SLC16A7: variants seen among roughly 807,000 people sequenced by gnomAD.
SLC16A7 encodes solute carrier family 16 member 7.
Under a neutral mutation model 34.9 loss-of-function variants are expected in SLC16A7, and 33 were observed. The observed-to-expected ratio is 0.94, with a 90% CI of 0.72 to 1.26. The LOEUF is 1.26. SLC16A7 is among the 50% of genes most tolerant of loss of function. The pLI, the probability that SLC16A7 is intolerant of heterozygous loss-of-function variation, is 0.00. For missense variants in SLC16A7, 573 were observed against 578.1 expected (o/e 0.99, Z 0.09); for synonymous variants, 201 against 206.6 (o/e 0.97, Z 0.23).
At chr12:59,735,991 A>AG in intron 3 of SLC16A7, 1 of 962,912 alleles carries the variant, frequency 1.0e-6, no homozygotes, top group Admixed American at 2.7e-5. Context: ...TACTTGAGGT[A>AG]ACAAGATTTT....
chr12:59,663,665 G>C (rs1868976257), intron 2 of SLC16A7, among the ~76,000 whole-genome samples: 1 of 151,996 alleles, frequency 6.6e-6, no homozygotes, highest in South Asian at 2.1e-4. Context: ...TTTTTTCACT[G>C]TATTAAAACC....
intron 2 of SLC16A7, among the ~76,000 whole-genome samples, chr12:59,670,810 T>C (rs1206700455): frequency 6.6e-6 from 1 of 152,190 alleles, no homozygotes; most frequent in Non-Finnish European, 1.5e-5. Context: ...TACCTTGTCT[T>C]CTGGGCTCAT....
intron 2 of SLC16A7, among the ~76,000 whole-genome samples, chr12:59,676,483 A>G (rs1870323014): frequency 6.6e-6 from 1 of 152,050 alleles, no homozygotes; most frequent in Non-Finnish European, 1.5e-5. Flanking sequence ...AAATCTATTC[A>G]GTAATAATGG....
At chr12:59,769,425 G>T (rs1159906668) in intron 3 of SLC16A7, 3 of 152,042 alleles carry the variant, frequency 2.0e-5, no homozygotes, top group African/African-American at 4.8e-5. Flanking sequence ...GTTAGGGACA[G>T]AATTATATTC....
intron 1 of SLC16A7, among the ~76,000 whole-genome samples, chr12:59,614,081 C>A (rs1011743003): frequency 6.8e-6 from 1 of 146,850 alleles, no homozygotes; most frequent in Non-Finnish European, 1.5e-5. Flanking sequence ...GACAGAGTCT[C>A]ACTCTGTCAC....
intron 2 of SLC16A7, among the ~76,000 whole-genome samples, chr12:59,676,422 A>G (rs891906120): frequency 6.6e-6 from 1 of 151,098 alleles, no homozygotes; most frequent in Non-Finnish European, 1.5e-5. Context: ...GATGTTAAGT[A>G]GCTCCTGATT....
intron 3 of SLC16A7, among the ~76,000 whole-genome samples, chr12:59,756,590 T>G (rs370796578): frequency 6.6e-6 from 1 of 151,350 alleles, no homozygotes; most frequent in Non-Finnish European, 1.5e-5. Context: ...TGGCTATCAT[T>G]AAAAGTCAGG....
chr12:59,749,189 T>C (rs540741073), intron 3 of SLC16A7, among the ~76,000 whole-genome samples: 1 of 152,350 alleles, frequency 6.6e-6, no homozygotes, highest in South Asian at 2.1e-4. Context: ...CTGTACTGTT[T>C]TGAGCAAATG....
intron 3 of SLC16A7, among the ~76,000 whole-genome samples, chr12:59,727,960 T>C (rs1378261509): frequency 6.6e-6 from 1 of 152,196 alleles, no homozygotes; most frequent in Non-Finnish European, 1.5e-5. Context: ...TATACTGATG[T>C]CACTATGAAA....
chr12:59,717,940 T>C (rs1041485730), intron 3 of SLC16A7, among the ~76,000 whole-genome samples: 2 of 152,216 alleles, frequency 1.3e-5, no homozygotes, highest in Non-Finnish European at 2.9e-5. Flanking sequence ...TTTTGAAAGA[T>C]ATATTTTCTG....
intron 3 of SLC16A7, chr12:59,720,298 C>A: frequency 1.9e-6 from 1 of 514,204 alleles, no homozygotes; most frequent in Non-Finnish European, 3.4e-6. Context: ...TCTATGTTTT[C>A]TTGAAATAGG....
intron 2 of SLC16A7, among the ~76,000 whole-genome samples, chr12:59,700,921 T>C (rs1872800701): frequency 6.6e-6 from 1 of 151,742 alleles, no homozygotes; most frequent in Non-Finnish European, 1.5e-5. Flanking sequence ...CATACATTAT[T>C]TCATTTAATT....
chr12:59,751,698 A>G (rs919422745), intron 3 of SLC16A7, among the ~76,000 whole-genome samples: 2 of 152,210 alleles, frequency 1.3e-5, no homozygotes, highest in African/African-American at 4.8e-5. Flanking sequence ...CAAAAAAGAC[A>G]GCAGTAACCT....
At chr12:59,641,140 A>G (rs1880666881) in intron 1 of SLC16A7, among the ~76,000 whole-genome samples, 1 of 152,106 alleles carries the variant, frequency 6.6e-6, no homozygotes, top group African/African-American at 2.4e-5. Context: ...TAGCACATAC[A>G]AAGTAGTTAC....
intron 1 of SLC16A7, among the ~76,000 whole-genome samples, chr12:59,602,331 C>T (rs142715204): frequency 1.3e-3 from 204 of 152,160 alleles, no homozygotes; most frequent in Middle Eastern, 6.8e-3. Context: ...TGGCAGTATT[C>T]ATCCCTAATG....
intron 2 of SLC16A7, among the ~76,000 whole-genome samples, chr12:59,683,332 C>T (rs1446311970): frequency 2.6e-5 from 4 of 152,072 alleles, no homozygotes; most frequent in African/African-American, 4.8e-5. Context: ...CTGAGAAGTA[C>T]TGTTGCGAGA....
rs986171908 is a variant in SLC16A7 at position 59,704,775 on chromosome 12, A to C, written c.-27A>C. On this transcript the variant is annotated 5_prime_UTR_variant, in exon 3 of 6. Transcript: ENST00000547379. ...TTATTTCATTATTTTAATATAGGTT[A>C]CTTGAATTTCCACTAGAGGAGCAGA... is the stretch of plus-strand genomic sequence containing the variant. 1 of 1,486,314 alleles carries C rather than the reference A, an allele frequency of 6.7e-7. No individual in the cohort carries two copies. The highest frequency in any genetic ancestry group is 1.4e-5 in the African/African-American group (1 of 72,326). 92.1% of individuals were successfully genotyped at this position (1,486,314 alleles called of 1,614,324 possible). A position where few individuals can be genotyped will look rare whatever the true frequency, so the allele number is the denominator to read the frequency against.
chr12:59,785,410 C>A lies in SLC16A7; in HGVS notation c.*5731C>A, dbSNP rs1031291251. On this transcript the variant is annotated 3_prime_UTR_variant, in exon 6 of 6. Transcript: ENST00000547379. The stretch of plus-strand genomic sequence containing the variant: ...AGAATGGTCATTTTAAAAGTCTCTA[C>A]CTTAAGAGCAAAATTAATATTGCAA... 6.6e-6 allele frequency: 1 copy of A among 152,034 alleles called. No individual in the cohort carries two copies. Among genetic ancestry groups the A allele is most frequent in the African/African-American group, 2.4e-5 (1 of 41,394 alleles). The allele number at this position is 152,034 out of a possible 1,614,324, so 9.4% of individuals were successfully genotyped here.
rs150578511 is a variant in SLC16A7, at chr12:59,694,555, T to A, written c.-30-10217T>A. ...AACACAACATAAGATCTACCCTCATTCCACATGGTTTAAGTGTACAATACA... is the reference window on the plus strand; with the variant it reads ...AACACAACATAAGATCTACCCTCATACCACATGGTTTAAGTGTACAATACA... On this transcript the variant is annotated intron_variant, in intron 2 of 5. Transcript: ENST00000547379. 1.4e-3 allele frequency among the ~76,000 whole-genome samples: 212 copies of A among 152,024 alleles called. 1 individual carries two copies. The highest frequency in any genetic ancestry group is 6.8e-3 in the Middle Eastern group (2 of 294).
Sources: gnomAD v4.1 joint callset for allele counts (sites outside exome capture counted in the v4.1 genomes callset) on GRCh38, gnomAD v4.1.1 for gene constraint, MANE v1.5 for transcripts, NCBI Gene and HGNC (gene_info 2026-07-23, HGNC 2026-07-21) for gene names.